Variants in ZNF236 observed in about 807,000 individuals in gnomAD.
ZNF236 encodes regulated by glucose.
A neutral mutation model predicts 191.2 loss-of-function variants in ZNF236; 50 were observed. The observed-to-expected ratio is 0.26, with a 90% CI of 0.21 to 0.33. ZNF236 has a LOEUF of 0.33. ZNF236 is among the 10% of genes least tolerant of loss of function. The pLI is 1.00. For missense variants in ZNF236, 1,754 were observed against 2,374.5 expected (o/e 0.74, Z 5.43); for synonymous variants, 907 against 928.8 (o/e 0.98, Z 0.43).
chr18:76,968,078 T>G, intron 30 of ZNF236, 137 bp from the exon 31 acceptor site: 1 of 1,174,068 alleles, frequency 8.5e-7, no homozygotes, highest in Admixed American at 2.0e-5. Flanking sequence ...CAAATTACTC[T>G]TTTTTCACTG....
At chr18:76,952,208 G>A (rs1968426620) in intron 27 of ZNF236, among the ~76,000 whole-genome samples, 1 of 152,166 alleles carries the variant, frequency 6.6e-6, no homozygotes, top group African/African-American at 2.4e-5. Flanking sequence ...TTGTAAAAAC[G>A]ACAGGATATC....
At chr18:76,850,994 C>T (rs1315706786) in intron 2 of ZNF236, among the ~76,000 whole-genome samples, 1 of 148,300 alleles carries the variant, frequency 6.7e-6, no homozygotes, top group Non-Finnish European at 1.5e-5. Context: ...TCAGAGACTA[C>T]AATCCAATGA....
chr18:76,855,548 C>T (rs887942342), intron 3 of ZNF236, among the ~76,000 whole-genome samples: 1 of 152,210 alleles, frequency 6.6e-6, no homozygotes, highest in African/African-American at 2.4e-5. Flanking sequence ...AATCAGAGAG[C>T]TGTCACTTTC....
chr18:76,911,378 C>A (rs1051531212), intron 16 of ZNF236, among the ~76,000 whole-genome samples: 2 of 152,100 alleles, frequency 1.3e-5, no homozygotes, highest in African/African-American at 4.8e-5. Context: ...AGGGCTGGAC[C>A]CTCCCGTGAA....
At chr18:76,913,375 G>T (rs1013307736) in intron 17 of ZNF236, among the ~76,000 whole-genome samples, 1 of 152,160 alleles carries the variant, frequency 6.6e-6, no homozygotes, top group South Asian at 2.1e-4. Context: ...GGCAATGGAA[G>T]GATTCATAGT....
chr18:76,871,551 C>T (rs117090103), intron 4 of ZNF236, 150 bp from the exon 5 acceptor site: 16,805 of 784,766 alleles, frequency 0.021, 229 homozygotes, highest in Middle Eastern at 0.031. Flanking sequence ...AACACATATA[C>T]ACACAGACAC....
At chr18:76,840,024 T>C (rs1235503711) in intron 1 of ZNF236, among the ~76,000 whole-genome samples, 2 of 152,248 alleles carry the variant, frequency 1.3e-5, no homozygotes, top group South Asian at 2.1e-4. Context: ...GGTAAGGCTA[T>C]AGACACTTGA....
At chr18:76,967,925 C>G (rs951473648) in intron 30 of ZNF236, among the ~76,000 whole-genome samples, 4 of 152,078 alleles carry the variant, frequency 2.6e-5, no homozygotes, top group Admixed American at 2.0e-4. Flanking sequence ...TTATGGAAAT[C>G]ATGTGTGTTG....
intron 2 of ZNF236, among the ~76,000 whole-genome samples, chr18:76,850,706 G>A (rs1332864979): frequency 1.3e-5 from 2 of 151,922 alleles, no homozygotes; most frequent in African/African-American, 2.4e-5. Context: ...AGGTTCAAGC[G>A]AATCTCATGC....
At chr18:76,825,484 A>T (rs1362876827) in intron 1 of ZNF236, among the ~76,000 whole-genome samples, 1 of 152,180 alleles carries the variant, frequency 6.6e-6, no homozygotes, top group East Asian at 1.9e-4. Context: ...AGGCTGTATT[A>T]CCTTCATGTA....
intron 1 of ZNF236, 136 bp from the exon 2 acceptor site, chr18:76,849,390 A>G: frequency 3.2e-6 from 2 of 620,444 alleles, no homozygotes; most frequent in Non-Finnish European, 5.2e-6. Context: ...AATTCAGTAT[A>G]TCATTAATTT....
Position 76,969,643 on chromosome 18 carries a change from C to T in ZNF236, c.*1304C>T, listed in dbSNP as rs558580986. 6.6e-5 allele frequency: 10 copies of T among 152,018 alleles called. No individual in the cohort carries two copies. The highest frequency in any genetic ancestry group is 1.3e-4 in the Admixed American group (2 of 15,236). 9.4% of individuals were successfully genotyped at this position (152,018 alleles called of 1,614,324 possible). A position where few individuals can be genotyped will look rare whatever the true frequency, so the allele number is the denominator to read the frequency against. On this transcript the variant is annotated 3_prime_UTR_variant, in exon 31 of 31. Coordinates refer to ENST00000320610, the MANE Select transcript of ZNF236 (RefSeq NM_001306089.2). The stretch of plus-strand genomic sequence containing the variant: ...ATTTTTTTTTCCTGAAAAATAATTG[C>T]CTTTATTTTCTCTCGTTGCCTCCTT...
chr18:76,921,026 T>G (rs1967518140), intron 20 of ZNF236, among the ~76,000 whole-genome samples: 1 of 152,118 alleles, frequency 6.6e-6, no homozygotes, highest in African/African-American at 2.4e-5. Context: ...CCGTGAAGAT[T>G]TTAATATTGC....
At position 76,910,785 on chromosome 18, in the gene ZNF236, G is replaced by A; in HGVS notation, c.2779G>A (p.Ala927Thr). The A allele has an allele frequency of 6.2e-7, 1 of 1,614,148 alleles. No homozygotes were observed. Among genetic ancestry groups the A allele is most frequent in the Non-Finnish European group, 8.5e-7 (1 of 1,180,018 alleles). Reference sequence around the variant, plus strand: ...CTTCCACCAGCAGAGCTTGCTGCAGGCTCCCAGCTCTGATGGGATGAATGT... The same window carrying A: ...CTTCCACCAGCAGAGCTTGCTGCAGACTCCCAGCTCTGATGGGATGAATGT... ...TSFHQQSLLQ[A>T]PSSDGMNVTT... The change falls in exon 16 of 31, where the codon GCT (alanine) becomes ACT (threonine). Residue 927 changes from alanine to threonine, a missense_variant. This residue lies in a region of ZNF236 where 641 missense variants were observed against 869.6 expected (regional missense o/e 0.74). Coordinates refer to ENST00000320610, the MANE Select transcript of ZNF236 (RefSeq NM_001306089.2).
chr18:76,927,667 T>G lies in ZNF236; in HGVS notation c.4414+150T>G. 1 of 1,130,840 alleles carries G rather than the reference T, an allele frequency of 8.8e-7. No homozygotes were observed. Among genetic ancestry groups the G allele is most frequent in the Non-Finnish European group, 1.2e-6 (1 of 821,722 alleles). 70.1% of individuals were successfully genotyped at this position (1,130,840 alleles called of 1,614,324 possible). On this transcript the variant is annotated intron_variant, in intron 24 of 30. Coordinates refer to ENST00000320610, the MANE Select transcript of ZNF236 (RefSeq NM_001306089.2). The surrounding 1 kb of genome is among the most constrained non-coding windows in gnomAD (Gnocchi z 5.4). Reference sequence around the variant, plus strand: ...ATGTCCTGAGAATAAAATAAGCTTTTCTTACAATTAATGATATGTATTTAA... The same window carrying G: ...ATGTCCTGAGAATAAAATAAGCTTTGCTTACAATTAATGATATGTATTTAA...
chr18:76,909,238 C>A (rs149341541), intron 14 of ZNF236, among the ~76,000 whole-genome samples: 7,076 of 148,378 alleles, frequency 0.048, 289 homozygotes, highest in African/African-American at 0.11. Flanking sequence ...TTGCTTGAAC[C>A]TGGGAGGCGG....
intron 26 of ZNF236, among the ~76,000 whole-genome samples, chr18:76,944,045 T>G (rs554047746): frequency 3.9e-5 from 6 of 152,226 alleles, no homozygotes; most frequent in Non-Finnish European, 8.8e-5. Context: ...TATCCAGCCC[T>G]TGCTCATATT....
chr18:76,947,355 T>C (rs563595372), intron 26 of ZNF236, among the ~76,000 whole-genome samples, 166 bp from the exon 27 acceptor site: 6 of 152,232 alleles, frequency 3.9e-5, no homozygotes, highest in Non-Finnish European at 8.8e-5. Context: ...ACAAGGCTTC[T>C]GTTTTCACTT....
At chr18:76,835,184 A>G (rs185773889) in intron 1 of ZNF236, among the ~76,000 whole-genome samples, 1 of 152,306 alleles carries the variant, frequency 6.6e-6, no homozygotes. Flanking sequence ...GTGAGTTCTC[A>G]TAAGTTATTG....
Sources: allele counts gnomAD v4.1 joint callset (sites outside exome capture counted in the v4.1 genomes callset), GRCh38; gene constraint gnomAD v4.1.1; regional missense constraint gnomAD v4.1.1; non-coding constraint Gnocchi (gnomAD v3.1); transcripts MANE v1.5; gene names NCBI Gene and HGNC (gene_info 2026-07-23, HGNC 2026-07-21).